The following CREB5 variants were observed in gnomAD, a reference collection of about 807,000 sequenced individuals.
CREB5 encodes cyclic AMP-responsive element-binding protein 5.
In CREB5, 19 loss-of-function variants were observed where a neutral mutation model predicts 57.1. That is an observed-to-expected ratio of 0.33 (90% CI 0.23 to 0.49). The LOEUF (loss-of-function observed/expected upper bound fraction) is 0.49. Among genes scored for constraint, CREB5 ranks in the 20% least tolerant of loss-of-function variants. The probability of loss-of-function intolerance (pLI) is 0.99; values close to 1 mark genes in which losing one functional copy is unlikely to be tolerated. For synonymous variants in CREB5, 238 were observed against 238.3 expected, an observed-to-expected ratio of 1.00 and a Z score of 0.01; for missense variants, 579 against 671.6, an observed-to-expected ratio of 0.86 and a Z score of 1.52.
At chr7:28,330,401 C>CTTTTTTTTTTT (rs10699932) in intron 1 of CREB5, among the ~76,000 whole-genome samples, 71 of 88,496 alleles carry the variant, frequency 8.0e-4, no homozygotes, top group African/African-American at 1.1e-3. Flanking sequence ...GAGAACCTTA[C>CTTTTTTTTTTT]TTTTTTTTTT....
chr7:28,336,616 TTTTG>T (rs1785828000), intron 1 of CREB5, among the ~76,000 whole-genome samples: 1 of 152,010 alleles, frequency 6.6e-6, no homozygotes, highest in African/African-American at 2.4e-5. Context: ...GGTTTGTCAA[TTTTG>T]TTTATCTTTT....
chr7:28,403,967 A>G (rs1787527934), intron 1 of CREB5, among the ~76,000 whole-genome samples: 1 of 152,206 alleles, frequency 6.6e-6, no homozygotes, highest in South Asian at 2.1e-4. Context: ...TGCTAGTTTT[A>G]AATGTAAATA....
intron 3 of CREB5, among the ~76,000 whole-genome samples, chr7:28,496,363 T>A (rs929361039): frequency 2.0e-5 from 3 of 152,270 alleles, no homozygotes; most frequent in African/African-American, 7.2e-5. Flanking sequence ...AAGTGCTTTA[T>A]TATTACAATA....
At chr7:28,496,028 C>G (rs1369090882) in intron 3 of CREB5, among the ~76,000 whole-genome samples, 1 of 124,372 alleles carries the variant, frequency 8.0e-6, no homozygotes. Flanking sequence ...CTTTGCCTTA[C>G]CTGGCCATGA....
intron 1 of CREB5, among the ~76,000 whole-genome samples, chr7:28,403,167 C>T (rs1181561744): frequency 1.3e-5 from 2 of 152,174 alleles, no homozygotes; most frequent in Non-Finnish European, 2.9e-5. Context: ...TGCCCACAGA[C>T]TCAGTGCAGA....
chr7:28,430,311 T>C (rs887980342), intron 1 of CREB5, among the ~76,000 whole-genome samples: 4 of 152,184 alleles, frequency 2.6e-5, no homozygotes, highest in African/African-American at 4.8e-5. Context: ...GCATTTACAG[T>C]GCTAAGCGTG....
chr7:28,751,183 C>T (rs943895029), intron 7 of CREB5, among the ~76,000 whole-genome samples: 1 of 132,770 alleles, frequency 7.5e-6, no homozygotes, highest in Admixed American at 8.8e-5. Context: ...AAGATGACTG[C>T]GCGTGAGCCA....
chr7:28,788,909 C>T (rs1399063576), intron 7 of CREB5, among the ~76,000 whole-genome samples: 1 of 151,726 alleles, frequency 6.6e-6, no homozygotes, highest in Non-Finnish European at 1.5e-5. Flanking sequence ...CACCCAGGCT[C>T]CCTAGAGGGA....
intron 2 of CREB5, among the ~76,000 whole-genome samples, chr7:28,492,451 C>T (rs2128597047): frequency 6.6e-6 from 1 of 152,276 alleles, no homozygotes; most frequent in South Asian, 2.1e-4. Flanking sequence ...AGTGGCCTTT[C>T]TCAGCTCTGT....
At chr7:28,649,051 G>A (rs1286274137) in intron 5 of CREB5, among the ~76,000 whole-genome samples, 1 of 152,190 alleles carries the variant, frequency 6.6e-6, no homozygotes, top group African/African-American at 2.4e-5. Context: ...TAGGTGTGCA[G>A]AAAGCCCACA....
chr7:28,590,515 C>T (rs1433619339), intron 5 of CREB5, among the ~76,000 whole-genome samples: 8 of 118,776 alleles, frequency 6.7e-5, no homozygotes, highest in African/African-American at 2.4e-4. Context: ...ACATCACACA[C>T]CAGGGCCTGT....
chr7:28,368,733 T>C (rs1183689726), intron 1 of CREB5, among the ~76,000 whole-genome samples: 2 of 152,234 alleles, frequency 1.3e-5, no homozygotes, highest in Non-Finnish European at 2.9e-5. Context: ...TATTTTTAAA[T>C]AGCAAATATT....
chr7:28,814,720 C>T (rs1809327041), intron 9 of CREB5, among the ~76,000 whole-genome samples: 2 of 152,122 alleles, frequency 1.3e-5, no homozygotes, highest in South Asian at 4.1e-4. Flanking sequence ...GTGTTTTATA[C>T]TTGGTTGGCA....
intron 1 of CREB5, among the ~76,000 whole-genome samples, chr7:28,462,935 G>C (rs779885150): frequency 3.3e-5 from 5 of 151,918 alleles, no homozygotes; most frequent in Non-Finnish European, 5.9e-5. Context: ...AAGTCCAATT[G>C]ACCTATTTTT....
intron 5 of CREB5, among the ~76,000 whole-genome samples, chr7:28,594,640 A>T (rs1185219128): frequency 6.6e-6 from 1 of 152,232 alleles, no homozygotes; most frequent in African/African-American, 2.4e-5. Flanking sequence ...ATAGACAATA[A>T]GTTAATAATT....
At chr7:28,747,798 A>G (rs1202523879) in intron 7 of CREB5, among the ~76,000 whole-genome samples, 2 of 152,234 alleles carry the variant, frequency 1.3e-5, no homozygotes, top group Admixed American at 1.3e-4. Context: ...GCCTCCCAGC[A>G]TGTAATGGAT....
chr7:28,560,919 T>TGCGTGTGCGTGCGCGCGCGCGTGC (rs1562797827), intron 4 of CREB5, among the ~76,000 whole-genome samples: 1 of 42,990 alleles, frequency 2.3e-5, no homozygotes, highest in African/African-American at 1.0e-4. Context: ...CGTGTGCGTG[T>TGCGTGTGCGTGCGCGCGCGCGTGC]GTGCGCGTGC....
At chr7:28,717,603 G>A (rs892427565) in intron 5 of CREB5, among the ~76,000 whole-genome samples, 2 of 152,142 alleles carry the variant, frequency 1.3e-5, no homozygotes, top group African/African-American at 4.8e-5. Context: ...GCACAGGAAA[G>A]TATTGCCCTA....
chr7:28,776,744 G>A (rs1427641928), intron 7 of CREB5, among the ~76,000 whole-genome samples: 2 of 152,092 alleles, frequency 1.3e-5, no homozygotes, highest in African/African-American at 4.8e-5. Flanking sequence ...TCTACTTTCT[G>A]TCTCTACGGA....
Sources: gnomAD v4.1 joint callset for allele counts (sites outside exome capture counted in the v4.1 genomes callset) on GRCh38, gnomAD v4.1.1 for gene constraint, MANE v1.5 for transcripts, NCBI Gene and HGNC (gene_info 2026-07-23, HGNC 2026-07-21) for gene names.